Variants in CLEC4C observed in about 807,000 individuals in gnomAD.
CLEC4C encodes C-type lectin domain family 4 member C.
A neutral mutation model predicts 27.7 loss-of-function variants in CLEC4C; 17 were observed. The observed-to-expected ratio is 0.61, with a 90% CI of 0.42 to 0.92. CLEC4C has a LOEUF of 0.92. Ranked by LOEUF, CLEC4C falls within the 40% of genes least tolerant of loss-of-function variation. The probability of loss-of-function intolerance (pLI) is 0.00; values close to 1 mark genes in which losing one functional copy is unlikely to be tolerated. For missense variants in CLEC4C, 244 were observed against 257.3 expected (o/e 0.95, Z 0.35); for synonymous variants, 80 against 80.8 (o/e 0.99, Z 0.06).
chr12:7,730,722 G>T, intron 5 of CLEC4C, 75 bp downstream of exon 5: 6 of 693,744 alleles, frequency 8.6e-6, no homozygotes, highest in South Asian at 1.7e-5. Context: ...TTGTTTGTTT[G>T]CTTAATAGCT....
At chr12:7,731,868 C>T (rs951934765) in intron 4 of CLEC4C, among the ~76,000 whole-genome samples, 2 of 152,120 alleles carry the variant, frequency 1.3e-5, no homozygotes, top group African/African-American at 4.8e-5. Context: ...GCATGAGAAT[C>T]GCCTGAACCT....
Position 7,741,534 on chromosome 12 carries a change from G to A in CLEC4C, c.125-3C>T. ...GCTATACATAAAATTGTGAGGCACT[G>A]GGAAAGAGAAATCGGAGTTAGTTCT... On this transcript the variant is annotated splice_region_variant and splice_polypyrimidine_tract_variant and intron_variant, in intron 2 of 5. Transcript: ENST00000360345. 6.6e-7 allele frequency: 1 copy of A among 1,507,596 alleles called. No homozygotes were observed. The highest frequency in any genetic ancestry group is 1.4e-5 in the African/African-American group (1 of 72,434). 93.4% of individuals were successfully genotyped at this position (1,507,596 alleles called of 1,614,324 possible).
At chr12:7,740,525 C>A (rs1298406015) in intron 3 of CLEC4C, among the ~76,000 whole-genome samples, 1 of 151,666 alleles carries the variant, frequency 6.6e-6, no homozygotes, top group East Asian at 2.0e-4. Flanking sequence ...CAAGGTGAAA[C>A]CCCGTCTCTA....
chr12:7,736,483 A>C lies in CLEC4C; in HGVS notation c.381+946T>G, dbSNP rs531398970. Among the ~76,000 whole-genome samples the C allele has an allele frequency of 8.2e-4, 125 of 151,962 alleles. 1 individual carries two copies. Among genetic ancestry groups the C allele is most frequent in the Non-Finnish European group, 1.4e-3 (98 of 67,988 alleles). On this transcript the variant is annotated intron_variant, in intron 4 of 5. Transcript: ENST00000360345. ...TTCTTAGATGGCAAATATTAATATC[A>C]TTTTTCCATTTTTCAAATTCACTAT...
chr12:7,741,278 T>G, intron 3 of CLEC4C, 143 bp downstream of exon 3: 1 of 600,594 alleles, frequency 1.7e-6, no homozygotes. Context: ...AGGTGTCTAT[T>G]TAAGATACCA....
At chr12:7,746,254 C>T (rs148061585) in intron 2 of CLEC4C, 77 bp downstream of exon 2, 11 of 767,774 alleles carry the variant, frequency 1.4e-5, no homozygotes, top group East Asian at 5.6e-5. Flanking sequence ...GAAAGAGGAA[C>T]GTGTTTCTTC....
At chr12:7,731,237 G>A (rs777469799) in intron 4 of CLEC4C, among the ~76,000 whole-genome samples, 2 of 151,964 alleles carry the variant, frequency 1.3e-5, no homozygotes, top group Non-Finnish European at 2.9e-5. Flanking sequence ...AAGGCAGACT[G>A]GGGGGATATG....
chr12:7,747,561 G>A, upstream of CLEC4C: 9 of 333,594 alleles, frequency 2.7e-5, no homozygotes, highest in East Asian at 4.7e-5. Context: ...ATCATGTTCA[G>A]AAATAAGGAA....
chr12:7,736,038 C>T (rs1033879216), intron 4 of CLEC4C, among the ~76,000 whole-genome samples: 9 of 152,070 alleles, frequency 5.9e-5, no homozygotes, highest in African/African-American at 1.9e-4. Context: ...AATCCCAGAA[C>T]TTTGGGAGGC....
At chr12:7,747,060 G>T (rs766388438) in intron 1 of CLEC4C, among the ~76,000 whole-genome samples, 9 of 152,242 alleles carry the variant, frequency 5.9e-5, no homozygotes, top group Non-Finnish European at 1.3e-4. Flanking sequence ...CTGACCTCAG[G>T]TGCTCTGCCC....
At chr12:7,729,811 C>T (rs1392438205) in intron 5 of CLEC4C, 71 bp from the exon 6 acceptor site, 4 of 1,447,510 alleles carry the variant, frequency 2.8e-6, no homozygotes, top group African/African-American at 2.8e-5. Context: ...TGGGAGAGGG[C>T]TAGGGTTAAA....
intron 5 of CLEC4C, among the ~76,000 whole-genome samples, chr12:7,730,510 C>T (rs1864571075): frequency 6.6e-6 from 1 of 151,982 alleles, no homozygotes; most frequent in Non-Finnish European, 1.5e-5. Flanking sequence ...TGTGGTGGCA[C>T]ATGCCTGTAA....
intron 4 of CLEC4C, among the ~76,000 whole-genome samples, chr12:7,732,745 G>A (rs1427256464): frequency 2.0e-5 from 3 of 151,376 alleles, no homozygotes; most frequent in Non-Finnish European, 4.4e-5. Flanking sequence ...GGCGGATCAC[G>A]AGGTCAGGAG....
At chr12:7,732,440 A>T (rs1269358067) in intron 4 of CLEC4C, among the ~76,000 whole-genome samples, 1 of 150,650 alleles carries the variant, frequency 6.6e-6, no homozygotes, top group Non-Finnish European at 1.5e-5. Flanking sequence ...CAACCTCCAA[A>T]TCCCTGGTTC....
intron 4 of CLEC4C, 128 bp downstream of exon 4, chr12:7,737,301 T>C (rs560247584): frequency 2.5e-6 from 2 of 809,034 alleles, no homozygotes; most frequent in South Asian, 5.9e-5. Flanking sequence ...TTTTTTGTTT[T>C]TTGGGTTTTT....
At chr12:7,745,434 T>TC (rs1864951502) in intron 2 of CLEC4C, among the ~76,000 whole-genome samples, 4 of 125,158 alleles carry the variant, frequency 3.2e-5, no homozygotes, top group Admixed American at 8.5e-5. Context: ...CTTTTTTTTT[T>TC]TTTTTTTTTT....
intron 2 of CLEC4C, 81 bp from the exon 3 acceptor site, chr12:7,741,612 G>T: frequency 2.5e-6 from 2 of 789,830 alleles, no homozygotes; most frequent in Non-Finnish European, 2.2e-6. Flanking sequence ...CTGTGGACAG[G>T]CACAGTGACT....
intron 4 of CLEC4C, among the ~76,000 whole-genome samples, chr12:7,731,834 A>T (rs2120363502): frequency 6.6e-6 from 1 of 152,200 alleles, no homozygotes; most frequent in African/African-American, 2.4e-5. Context: ...GGAGTCTGTA[A>T]TCTCAACTAC....
At chr12:7,749,196 T>A (rs1273124100), upstream of CLEC4C, 1 of 151,938 alleles carries the variant, frequency 6.6e-6, no homozygotes, top group African/African-American at 2.4e-5. Context: ...GGAGGCAGGA[T>A]CTGCTGTAAC....
Sources: allele counts gnomAD v4.1 joint callset (sites outside exome capture counted in the v4.1 genomes callset), GRCh38; gene constraint gnomAD v4.1.1; transcripts MANE v1.5; gene names NCBI Gene and HGNC (gene_info 2026-07-23, HGNC 2026-07-21).